The following WIZ variants were observed in gnomAD, a reference collection of about 807,000 sequenced individuals.
WIZ encodes protein Wiz.
In WIZ, 25 loss-of-function variants were observed where a neutral mutation model predicts 140.2. That is an observed-to-expected ratio of 0.18 (90% CI 0.13 to 0.25). The LOEUF (loss-of-function observed/expected upper bound fraction) is 0.25, where lower values mean the gene tolerates loss of function less well. WIZ is among the 10% of genes least tolerant of loss of function. The probability of loss-of-function intolerance (pLI) is 1.00; values close to 1 mark genes in which losing one functional copy is unlikely to be tolerated. For missense variants in WIZ, 2,231 were observed against 2,632.6 expected (o/e 0.85, Z 3.34); for synonymous variants, 1,125 against 1,154.3 (o/e 0.97, Z 0.51).
chr19:15,423,190 C>A lies in WIZ; in HGVS notation c.5556G>T (p.Glu1852Asp), dbSNP rs1968483715. 1.2e-6 allele frequency: 2 copies of A among 1,613,760 alleles called. No homozygotes were observed. Among genetic ancestry groups the A allele is most frequent in the African/African-American group, 2.7e-5 (2 of 74,908 alleles). The part of the protein sequence containing the change: ...EFQGPLSIQE[E>D]WVRHLQRHIL... ...TGTGCCGCTGTAAGTGCCGCACCCA[C>A]TCTTCCTGGATGGAGAGGGGGCCCT... The change falls in exon 13 of 13, where the codon GAG becomes GAT. Residue 1852 changes from glutamate (E) to aspartate (D), a missense_variant. Glu to Asp is a conservative substitution (Grantham distance 45). Coordinates refer to ENST00000673675, the MANE Select transcript of WIZ (RefSeq NM_001371589.1).
intron 9 of WIZ, 92 bp downstream of exon 9, chr19:15,426,890 T>A: frequency 6.8e-7 from 1 of 1,471,584 alleles, no homozygotes; most frequent in Non-Finnish European, 9.1e-7. Context: ...TCCCTTCCAA[T>A]TCAACCCTAG....
rs911736933 is a variant in WIZ at position 15,423,017 on chromosome 19, C to A, written c.*59G>T. The A allele has an allele frequency of 2.0e-5, 32 of 1,582,740 alleles. No homozygotes were observed. Among genetic ancestry groups the A allele is most frequent in the Admixed American group, 5.2e-5 (3 of 57,798 alleles). ...AGAAAGAGGAAGAGGGACAAGGACA[C>A]AGAGGAGGAAGAAGAGGAGACAGAG... On this transcript the variant is annotated 3_prime_UTR_variant, in exon 13 of 13. Coordinates refer to ENST00000673675, the MANE Select transcript of WIZ (RefSeq NM_001371589.1).
At chr19:15,444,054 C>T (rs981579620) in intron 2 of WIZ, among the ~76,000 whole-genome samples, 2 of 152,176 alleles carry the variant, frequency 1.3e-5, no homozygotes, top group South Asian at 2.1e-4. Flanking sequence ...GCCAATTGCC[C>T]GGGCCAAGGT....
chr19:15,431,205 C>T (rs887567796), intron 5 of WIZ, 23 bp from the exon 6 acceptor site: 15 of 1,488,938 alleles, frequency 1.0e-5, no homozygotes, highest in Admixed American at 4.5e-5. Context: ...GAGACAGGCT[C>T]AGCCCAGACA....
chr19:15,443,968 G>A (rs1042588899), intron 2 of WIZ, among the ~76,000 whole-genome samples: 6 of 152,100 alleles, frequency 3.9e-5, no homozygotes, highest in South Asian at 2.1e-4. Context: ...TGCCTGGAGC[G>A]ACCACAGGAA....
Position 15,424,670 on chromosome 19 carries a change from C to T in WIZ, c.5257G>A (p.Ala1753Thr). Residue 1753 changes from alanine to threonine, a missense_variant, in exon 11 of 13, where the codon GCA (alanine) becomes ACA (threonine). Ala to Thr is a moderately conservative substitution (Grantham distance 58). Around this residue, in one of 15 missense-constraint regions of WIZ, gnomAD observed 299 missense variants for 309.6 expected, o/e 0.97. Coordinates refer to ENST00000673675, the MANE Select transcript of WIZ (RefSeq NM_001371589.1). The surrounding 1 kb of genome is among the most constrained non-coding windows in gnomAD (Gnocchi z 9.7). ...RAADGGERPLAASPPGTVKAE... is the reference protein window; with the variant it reads ...RAADGGERPLTASPPGTVKAE... Reference sequence around the variant, plus strand: ...TTCACGGTGCCTGGCGGGCTGGCTGCCAGAGGCCGCTCACCACCGTCGGCT... The same window carrying T: ...TTCACGGTGCCTGGCGGGCTGGCTGTCAGAGGCCGCTCACCACCGTCGGCT... The T allele has an allele frequency of 6.3e-7, 1 of 1,590,224 alleles. No homozygotes were observed. The highest frequency in any genetic ancestry group is 8.5e-7 in the Non-Finnish European group (1 of 1,177,038).
At position 15,425,505 on chromosome 19, in the gene WIZ, G is replaced by A. The variant is rs1218922732; in HGVS notation, c.4630C>T (p.Pro1544Ser). ...EDGPPTVAPG[P>S]VQSPLPLSPL... ...GACAGCGGCAGTGGGGACTGCACGG[G>A]CCCAGGGGCCACGGTGGGAGGCCCG... Residue 1544 changes from proline (P) to serine (S), a missense_variant, in exon 10 of 13, where the codon CCC becomes TCC. Pro to Ser is a moderately conservative substitution (Grantham distance 74, BLOSUM62 -1). Transcript: ENST00000673675. 1 of 1,610,286 alleles carries A rather than the reference G, an allele frequency of 6.2e-7. No individual in the cohort carries two copies. Among genetic ancestry groups the A allele is most frequent in the African/African-American group, 1.3e-5 (1 of 74,840 alleles).
rs753384089 is a variant in WIZ, at chr19:15,428,611, T to TG, written c.3416-104dup. 52 of 1,387,292 alleles carry TG rather than the reference T, an allele frequency of 3.7e-5. No homozygotes were observed. Among genetic ancestry groups the TG allele is most frequent in the Non-Finnish European group, 4.8e-5 (49 of 1,022,818 alleles). 85.9% of individuals were successfully genotyped at this position (1,387,292 alleles called of 1,614,324 possible). ...TGTGATTTTTGGCTGCTCAGGCAGTTGGGGGGTCCAAGACTCAGGCCGCAG... is the reference window on the plus strand; with the variant it reads ...TGTGATTTTTGGCTGCTCAGGCAGTTGGGGGGGTCCAAGACTCAGGCCGCAG... On this transcript the variant is annotated intron_variant, in intron 7 of 12. Transcript: ENST00000673675. This position sits in a 1 kb window ranked among gnomAD's most constrained non-coding sequence, Gnocchi z 6.4.
chr19:15,437,480 T>C (rs529630474), intron 4 of WIZ, among the ~76,000 whole-genome samples: 109 of 152,236 alleles, frequency 7.2e-4, no homozygotes, highest in Non-Finnish European at 1.3e-3. Context: ...CTGGGCAACA[T>C]AGTGAGACCC....
In WIZ at chr19:15,448,274, G is replaced by A. The variant is rs965997844; in HGVS notation, c.34C>T (p.Pro12Ser). The A allele has an allele frequency of 6.2e-7, 1 of 1,613,012 alleles. No individual in the cohort carries two copies. The highest frequency in any genetic ancestry group is 8.5e-7 in the Non-Finnish European group (1 of 1,179,778). Residue 12 changes from proline to serine, a missense_variant, in exon 2 of 13, where the codon CCA becomes TCA. By Grantham distance (74) the Pro-to-Ser change is moderately conservative. Around this residue, in one of 15 missense-constraint regions of WIZ, gnomAD observed 85 missense variants for 90.9 expected, o/e 0.94. Transcript: ENST00000673675. ...CTCTCTGGGCCTTGGGGACGATCTGGTGCAGCCAGGCTGCCTGCCAGAGAC... is the reference window on the plus strand; with the variant it reads ...CTCTCTGGGCCTTGGGGACGATCTGATGCAGCCAGGCTGCCTGCCAGAGAC... Reference protein sequence around the residue: ...EGSLAGSLAAPDRPQGPERLP... With the variant: ...EGSLAGSLAASDRPQGPERLP...
At chr19:15,432,797 C>T (rs1410420050) in intron 5 of WIZ, among the ~76,000 whole-genome samples, 1 of 151,716 alleles carries the variant, frequency 6.6e-6, no homozygotes, top group Non-Finnish European at 1.5e-5. Flanking sequence ...AAACCCGCTC[C>T]GCCCCGCCCC....
chr19:15,423,702 C>T (rs924660461), intron 12 of WIZ, among the ~76,000 whole-genome samples: 2 of 152,230 alleles, frequency 1.3e-5, no homozygotes, highest in African/African-American at 4.8e-5. Flanking sequence ...TGTATGGCCT[C>T]AGGCAAGTCA....
At position 15,420,702 on chromosome 19, in the gene WIZ, C is replaced by T. The variant is rs1318710170; in HGVS notation, c.*2374G>A. On this transcript the variant is annotated 3_prime_UTR_variant, in exon 13 of 13. Transcript: ENST00000673675. ...CTGCAAGAACTGGAGGTGACTCTTC[C>T]AAGGACACACATGACCCTCACTTCA... The T allele has an allele frequency of 1.3e-5, 2 of 152,228 alleles. No homozygotes were observed. The highest frequency in any genetic ancestry group is 2.4e-5 in the African/African-American group (1 of 41,450). 9.4% of individuals were successfully genotyped at this position (152,228 alleles called of 1,614,324 possible).
chr19:15,433,406 C>T, intron 5 of WIZ: 6 of 961,792 alleles, frequency 6.2e-6, no homozygotes, highest in Non-Finnish European at 7.4e-6. Flanking sequence ...AGGGGGCAGG[C>T]TTCTAACGAC....
In WIZ at chr19:15,422,793, C is replaced by A; in HGVS notation, c.*283G>T. ...GGGGAGTGCTGTCCTCCCCTGTGAC[C>A]AGACCGGCTGCCATCAGAGACCTGG... On this transcript the variant is annotated 3_prime_UTR_variant, in exon 13 of 13. Coordinates refer to ENST00000673675, the MANE Select transcript of WIZ (RefSeq NM_001371589.1). The A allele has an allele frequency of 1.9e-6, 1 of 513,824 alleles. No homozygotes were observed. The highest frequency in any genetic ancestry group is 3.5e-6 in the Non-Finnish European group (1 of 288,184). The allele number at this position is 513,824 out of a possible 1,614,324, so 31.8% of individuals were successfully genotyped here.
intron 12 of WIZ, among the ~76,000 whole-genome samples, chr19:15,423,444 C>A (rs1356545950): frequency 2.6e-5 from 4 of 152,138 alleles, no homozygotes; most frequent in Non-Finnish European, 1.5e-5. Flanking sequence ...TCACAGAGAC[C>A]CCTGCCTCTG....
intron 2 of WIZ, among the ~76,000 whole-genome samples, chr19:15,445,842 G>T (rs1277854718): frequency 6.6e-6 from 1 of 152,118 alleles, no homozygotes; most frequent in Non-Finnish European, 1.5e-5. Context: ...TTTGGAGGTG[G>T]CCACTCCAGT....
At position 15,434,364 on chromosome 19, in the gene WIZ, G is replaced by A. The variant is rs193048530; in HGVS notation, c.2740+2442C>T. Among the ~76,000 whole-genome samples the A allele has an allele frequency of 1.5e-4, 22 of 150,998 alleles. 1 individual carries two copies. The highest frequency in any genetic ancestry group is 4.9e-4 in the African/African-American group (20 of 41,072). On this transcript the variant is annotated intron_variant, in intron 5 of 12. Coordinates refer to ENST00000673675, the MANE Select transcript of WIZ (RefSeq NM_001371589.1). Reference sequence around the variant, plus strand: ...ATCACAAGGTCAGGAGATCGAGACCGTGCTGGCTAACACGGTGAAACCCTG... The same window carrying A: ...ATCACAAGGTCAGGAGATCGAGACCATGCTGGCTAACACGGTGAAACCCTG...
intron 12 of WIZ, among the ~76,000 whole-genome samples, chr19:15,423,828 A>G (rs1968532856): frequency 6.6e-6 from 1 of 152,290 alleles, no homozygotes; most frequent in East Asian, 1.9e-4. Context: ...CTTACTTACC[A>G]TGTGCCAGGC....
Sources: gnomAD v4.1 joint callset for allele counts (sites outside exome capture counted in the v4.1 genomes callset) on GRCh38, gnomAD v4.1.1 for gene constraint, gnomAD v4.1.1 regional missense constraint, Gnocchi (gnomAD v3.1) non-coding constraint, MANE v1.5 for transcripts, NCBI Gene and HGNC (gene_info 2026-07-23, HGNC 2026-07-21) for gene names.